Variants in DENND2C observed in about 807,000 individuals in gnomAD.
DENND2C encodes DENN domain containing 2C, also known as DENN domain-containing protein 2C.
In DENND2C, 72 loss-of-function variants were observed where a neutral mutation model predicts 112.4. That is an observed-to-expected ratio of 0.64 (90% confidence interval 0.53 to 0.78). The LOEUF (loss-of-function observed/expected upper bound fraction) is 0.78, where lower values mean the gene tolerates loss of function less well. Among genes scored for constraint, DENND2C ranks in the 30% least tolerant of loss-of-function variants. The pLI is 0.00. For missense variants in DENND2C, 992 were observed against 1,113.8 expected, an observed-to-expected ratio of 0.89 and a Z score of 1.56; for synonymous variants, 329 against 381.6, an observed-to-expected ratio of 0.86 and a Z score of 1.61.
chr1:114,611,379 A>C (rs1655810574), intron 8 of DENND2C, among the ~76,000 whole-genome samples: 1 of 138,524 alleles, frequency 7.2e-6, no homozygotes, highest in South Asian at 2.5e-4. Context: ...TAATTCTAGA[A>C]ACTAATTGCA....
intron 2 of DENND2C, among the ~76,000 whole-genome samples, chr1:114,651,536 C>T (rs1390379815): frequency 6.6e-6 from 1 of 151,696 alleles, no homozygotes; most frequent in Non-Finnish European, 1.5e-5. Flanking sequence ...GTCAGGAGTT[C>T]GAGACCAGCC....
At chr1:114,654,350 T>C (rs193270225) in intron 2 of DENND2C, among the ~76,000 whole-genome samples, 155 bp downstream of exon 2, 21 of 152,020 alleles carry the variant, frequency 1.4e-4, no homozygotes, top group South Asian at 2.1e-4. Flanking sequence ...GGGAATGGCA[T>C]GAACCCGGGA....
rs1655008864 is a variant in DENND2C, at chr1:114,585,198, A to AT, written c.*401dup. ...TATAAGGCTAGTGTTCTCCATTTCCATCATGTCTCTCTACTACCTTAAACT... is the reference window on the plus strand; with the variant it reads ...TATAAGGCTAGTGTTCTCCATTTCCATTCATGTCTCTCTACTACCTTAAACT... On this transcript the variant is annotated 3_prime_UTR_variant, in exon 21 of 21. Transcript: ENST00000393274. The AT allele has an allele frequency of 5.2e-6, 1 of 193,520 alleles. No individual in the cohort carries two copies. Among genetic ancestry groups the AT allele is most frequent in the Non-Finnish European group, 1.1e-5 (1 of 92,660 alleles). The allele number at this position is 193,520 out of a possible 1,614,324, so 12.0% of individuals were successfully genotyped here. A position where few individuals can be genotyped will look rare whatever the true frequency, so the allele number is the denominator to read the frequency against.
intron 1 of DENND2C, among the ~76,000 whole-genome samples, chr1:114,658,136 G>A (rs937759790): frequency 3.3e-5 from 5 of 152,194 alleles, no homozygotes; most frequent in Non-Finnish European, 7.3e-5. Flanking sequence ...GTGAGAGACA[G>A]AAAAGCCAAA....
chr1:114,617,326 T>C (rs1655999074), intron 8 of DENND2C, among the ~76,000 whole-genome samples: 1 of 152,216 alleles, frequency 6.6e-6, no homozygotes. Flanking sequence ...TTTTTTCTTT[T>C]TTGAGATGGA....
intron 18 of DENND2C, among the ~76,000 whole-genome samples, chr1:114,591,824 AT>A (rs1189956302): frequency 8.2e-6 from 1 of 121,538 alleles, no homozygotes; most frequent in Admixed American, 8.3e-5. Flanking sequence ...ATCCATATTC[AT>A]TTTTTTCATA....
At chr1:114,669,439 A>G (rs578174107) in intron 1 of DENND2C, among the ~76,000 whole-genome samples, 2 of 152,270 alleles carry the variant, frequency 1.3e-5, no homozygotes, top group South Asian at 4.1e-4. Flanking sequence ...TAGTTACTCA[A>G]AAGCTCTTAG....
intron 1 of DENND2C, among the ~76,000 whole-genome samples, chr1:114,655,685 T>C (rs780071092): frequency 6.6e-6 from 1 of 151,954 alleles, no homozygotes; most frequent in South Asian, 2.1e-4. Context: ...GGTTTTGCCA[T>C]GTTGGCTAGG....
intron 12 of DENND2C, among the ~76,000 whole-genome samples, 162 bp from the exon 13 acceptor site, chr1:114,601,747 A>C (rs1655510342): frequency 6.6e-6 from 1 of 152,224 alleles, no homozygotes; most frequent in South Asian, 2.1e-4. Flanking sequence ...GCTAAAAATG[A>C]TAGCATGTTT....
chr1:114,641,991 C>T (rs1362156368), intron 3 of DENND2C, among the ~76,000 whole-genome samples: 1 of 152,054 alleles, frequency 6.6e-6, no homozygotes, highest in Non-Finnish European at 1.5e-5. Context: ...CTTGCTCTGT[C>T]ACCTTGGCTG....
At chr1:114,607,898 T>TA (rs766195617) in intron 10 of DENND2C, among the ~76,000 whole-genome samples, 16 of 152,238 alleles carry the variant, frequency 1.1e-4, no homozygotes, top group Admixed American at 2.6e-4. Flanking sequence ...GACACTGTTC[T>TA]AAGTGCCTTA....
At chr1:114,588,555 T>C (rs1655104871) in intron 18 of DENND2C, 1 of 152,754 alleles carries the variant, frequency 6.5e-6, no homozygotes, top group African/African-American at 2.4e-5. Context: ...ATCTTCTACA[T>C]TTTCAGGCTA....
At chr1:114,601,396 TCCTAGTTTACTAATAGGGAA>T in intron 13 of DENND2C, 92 bp downstream of exon 13, 1 of 1,024,322 alleles carries the variant, frequency 9.8e-7, no homozygotes, top group Non-Finnish European at 1.4e-6. Flanking sequence ...GGCACGTGGT[TCCTAGTTTACTAATAGGGAA>T]CCTTTCTGAA....
chr1:114,585,914 T>C (rs926628721), intron 20 of DENND2C, among the ~76,000 whole-genome samples: 2 of 152,162 alleles, frequency 1.3e-5, no homozygotes, highest in African/African-American at 4.8e-5. Flanking sequence ...CCCCAGAGAT[T>C]TCCTGGAGCC....
At chr1:114,614,797 G>A (rs1424938561) in intron 8 of DENND2C, among the ~76,000 whole-genome samples, 1 of 152,142 alleles carries the variant, frequency 6.6e-6, no homozygotes, top group African/African-American at 2.4e-5. Flanking sequence ...TGGATCACGA[G>A]GTCAAGAGAT....
At chr1:114,608,621 A>T (rs1257681483) in intron 10 of DENND2C, 65 bp downstream of exon 10, 3 of 1,534,250 alleles carry the variant, frequency 2.0e-6, no homozygotes, top group Non-Finnish European at 1.8e-6. Context: ...CCAAGAGGAC[A>T]GGAAATACAT....
At chr1:114,638,841 A>G (rs1311553031) in intron 3 of DENND2C, among the ~76,000 whole-genome samples, 1 of 151,978 alleles carries the variant, frequency 6.6e-6, no homozygotes, top group Admixed American at 6.6e-5. Context: ...CAGTAAATAT[A>G]TAAAGACTTG....
At chr1:114,649,829 C>T (rs1657104822) in intron 2 of DENND2C, among the ~76,000 whole-genome samples, 1 of 152,096 alleles carries the variant, frequency 6.6e-6, no homozygotes, top group Admixed American at 6.6e-5. Context: ...TTTTAAAAGT[C>T]ACAAAGTAAT....
At chr1:114,664,332 G>A (rs1657589631) in intron 1 of DENND2C, among the ~76,000 whole-genome samples, 2 of 152,144 alleles carry the variant, frequency 1.3e-5, no homozygotes, top group African/African-American at 4.8e-5. Context: ...GTGAACGGAA[G>A]CTGGGCACAG....
Sources: gnomAD v4.1 joint callset for allele counts (sites outside exome capture counted in the v4.1 genomes callset) on GRCh38, gnomAD v4.1.1 for gene constraint, MANE v1.5 for transcripts, NCBI Gene and HGNC (gene_info 2026-07-23, HGNC 2026-07-21) for gene names.